The following MBD2 variants were observed in gnomAD, a reference collection of about 807,000 sequenced individuals.
MBD2 encodes methyl-CpG binding domain protein 2, also known as methyl-CpG-binding domain protein 2.
Under a neutral mutation model 39.3 loss-of-function variants are expected in MBD2, and 9 were observed. The ratio of observed to expected loss-of-function variants is 0.23; its 90% CI spans 0.14 to 0.40. The LOEUF is 0.40. Ranked by LOEUF, MBD2 falls within the 10% of genes least tolerant of loss-of-function variation. The pLI is 1.00. For synonymous variants in MBD2, 233 were observed against 211.1 expected, an observed-to-expected ratio of 1.10 and a Z score of -0.90; for missense variants, 458 against 532.6, an observed-to-expected ratio of 0.86 and a Z score of 1.38.
At chr18:54,185,090 T>C (rs2086276500) in intron 3 of MBD2, among the ~76,000 whole-genome samples, 1 of 151,214 alleles carries the variant, frequency 6.6e-6, no homozygotes, top group Non-Finnish European at 1.5e-5. Flanking sequence ...AGCTGATCTA[T>C]TTTACACACT....
intron 1 of MBD2, among the ~76,000 whole-genome samples, chr18:54,210,866 A>AT (rs74180457): frequency 0.015 from 1,480 of 99,306 alleles, 27 homozygotes; most frequent in East Asian, 0.056. Flanking sequence ...TCAACTTTCT[A>AT]TTTTTTTTTT....
At chr18:54,189,570 C>T (rs1248464233) in intron 2 of MBD2, among the ~76,000 whole-genome samples, 1 of 152,030 alleles carries the variant, frequency 6.6e-6, no homozygotes, top group African/African-American at 2.4e-5. Context: ...CATAAATTTC[C>T]TATCTGATCA....
intron 1 of MBD2, among the ~76,000 whole-genome samples, chr18:54,211,388 T>TACACACACACACACACACAC (rs113321648): frequency 3.4e-5 from 5 of 148,114 alleles, no homozygotes; most frequent in South Asian, 4.3e-4. Context: ...ATTATTGCTA[T>TACACACACACACACACACAC]ACACACACAC....
At chr18:54,159,034 G>A (rs1201583364) in intron 6 of MBD2, among the ~76,000 whole-genome samples, 1 of 152,172 alleles carries the variant, frequency 6.6e-6, no homozygotes, top group Non-Finnish European at 1.5e-5. Context: ...AAAAGAAAGA[G>A]ATTTTGCCTG....
At chr18:54,219,027 G>C (rs2926341) in intron 1 of MBD2, among the ~76,000 whole-genome samples, 10,585 of 150,974 alleles carry the variant, frequency 0.07, 1,225 homozygotes, top group African/African-American at 0.24. Flanking sequence ...CTACTAATAG[G>C]TGCCAAAATT....
chr18:54,224,198 GCGCCGC>G lies in MBD2; in HGVS notation c.356_361del (p.Gly119_Gly120del). ...GAAAGGGACCGGCTCCCGCCGGGGG[GCGCCGC>G]CGCCACCGCTGCCGCCGCCGCCGCA... On this transcript the variant is annotated inframe_deletion, in exon 1 of 7. Coordinates refer to ENST00000256429, the MANE Select transcript of MBD2 (RefSeq NM_003927.5). 1 of 1,206,274 alleles carries G rather than the reference GCGCCGC, an allele frequency of 8.3e-7. No homozygotes were observed. The highest frequency in any genetic ancestry group is 1.0e-6 in the Non-Finnish European group (1 of 973,254). 74.7% of individuals were successfully genotyped at this position (1,206,274 alleles called of 1,614,324 possible). A position where few individuals can be genotyped will look rare whatever the true frequency, so the allele number is the denominator to read the frequency against.
At chr18:54,202,204 G>C (rs7239431) in intron 2 of MBD2, among the ~76,000 whole-genome samples, 1 of 151,978 alleles carries the variant, frequency 6.6e-6, no homozygotes, top group Non-Finnish European at 1.5e-5. Context: ...TTAGCTAGGC[G>C]TGGTGGTGGG....
At chr18:54,223,546 C>T (rs2086632684) in intron 1 of MBD2, among the ~76,000 whole-genome samples, 1 of 152,194 alleles carries the variant, frequency 6.6e-6, no homozygotes, top group Admixed American at 6.5e-5. Context: ...AAACTTCAGG[C>T]ATTCCAAATA....
chr18:54,185,149 A>T (rs1002325935), intron 3 of MBD2, among the ~76,000 whole-genome samples: 3 of 152,244 alleles, frequency 2.0e-5, no homozygotes, highest in African/African-American at 7.2e-5. Flanking sequence ...TTTATCTTTT[A>T]TCAGGAAAGT....
chr18:54,202,904 G>A lies in MBD2; in HGVS notation c.702+2094C>T, dbSNP rs2086418640. The A allele has an allele frequency of 6.2e-6, 7 of 1,124,258 alleles. No homozygotes were observed. The East Asian group carries it at 1.6e-4, about 26-fold the overall frequency. The allele number at this position is 1,124,258 out of a possible 1,614,324, so 69.6% of individuals were successfully genotyped here. ...AAAGCACCAGGGAAGCATTATGGAG[G>A]AAAGGATTGGTTCTGCCTGGAGTAT... On this transcript the variant is annotated intron_variant, in intron 2 of 6. Transcript: ENST00000256429.
chr18:54,192,673 C>T (rs2086329889), intron 2 of MBD2, among the ~76,000 whole-genome samples: 1 of 152,124 alleles, frequency 6.6e-6, no homozygotes, highest in South Asian at 2.1e-4. Flanking sequence ...TCATTGTTAC[C>T]AAGGATGACT....
At chr18:54,188,250 C>T (rs2086297476) in intron 3 of MBD2, among the ~76,000 whole-genome samples, 1 of 152,162 alleles carries the variant, frequency 6.6e-6, no homozygotes, top group South Asian at 2.1e-4. Flanking sequence ...GTCCAGTCTC[C>T]CTCCCCGGGC....
intron 2 of MBD2, among the ~76,000 whole-genome samples, chr18:54,198,970 A>G (rs187413314): frequency 6.6e-6 from 1 of 152,344 alleles, no homozygotes; most frequent in African/African-American, 2.4e-5. Context: ...AAATGCATGT[A>G]TGTGTACATG....
rs1384801401 is a variant in MBD2 at position 54,171,396 on chromosome 18, C to CA, written c.841-5231dup. 8.0e-4 allele frequency among the ~76,000 whole-genome samples: 117 copies of CA among 145,900 alleles called. 1 individual carries two copies. In the South Asian group the frequency reaches 0.014, roughly 17 times the overall value. On this transcript the variant is annotated intron_variant, in intron 3 of 6. Transcript: ENST00000256429. Reference sequence around the variant, plus strand: ...TGGGTGACAGAGCAAAACTCCATCTCAAAAAAAAAAGCATGCACGTAGTGG... The same window carrying CA: ...TGGGTGACAGAGCAAAACTCCATCTCAAAAAAAAAAAGCATGCACGTAGTGG...
At chr18:54,195,692 G>A (rs2086359978) in intron 2 of MBD2, among the ~76,000 whole-genome samples, 1 of 151,560 alleles carries the variant, frequency 6.6e-6, no homozygotes, top group Admixed American at 6.6e-5. Flanking sequence ...GCACTAACTG[G>A]ACCATCCATA....
At chr18:54,187,951 G>T in intron 3 of MBD2, 1 of 621,156 alleles carries the variant, frequency 1.6e-6, no homozygotes, top group Non-Finnish European at 2.0e-6. Context: ...CTGGAGATGA[G>T]ACACTTGAAG....
Position 54,224,500 on chromosome 18 carries a change from C to T in MBD2, c.60G>A (p.Ala20=), listed in dbSNP as rs1045056201. 2 of 1,236,246 alleles carry T rather than the reference C, an allele frequency of 1.6e-6. No homozygotes were observed. The highest frequency in any genetic ancestry group is 1.6e-5 in the African/African-American group (1 of 63,980). The allele number at this position is 1,236,246 out of a possible 1,614,324, so 76.6% of individuals were successfully genotyped here. The change falls in exon 1 of 7, where the codon GCG becomes GCA. Residue 20 remains alanine, a synonymous_variant. Transcript: ENST00000256429. ...CCPEQEEGES[A]AGGSGAGGDS... is the part of the protein sequence containing the mutation. ...CGCCGCCAGCGCCGCTGCCGCCCGCCGCACTCTCCCCCTCCTCCTGCTCCG... is the reference window on the plus strand; with the variant it reads ...CGCCGCCAGCGCCGCTGCCGCCCGCTGCACTCTCCCCCTCCTCCTGCTCCG...
chr18:54,171,622 A>G (rs2086180064), intron 3 of MBD2, among the ~76,000 whole-genome samples: 1 of 152,220 alleles, frequency 6.6e-6, no homozygotes, highest in Non-Finnish European at 1.5e-5. Flanking sequence ...GGTTAAATGA[A>G]GAAAGGGCTT....
intron 1 of MBD2, among the ~76,000 whole-genome samples, chr18:54,216,600 T>C (rs2086563726): frequency 6.6e-6 from 1 of 152,200 alleles, no homozygotes; most frequent in African/African-American, 2.4e-5. Context: ...TCAAATGCCA[T>C]AGGAGTTTCC....
Sources: allele counts gnomAD v4.1 joint callset (sites outside exome capture counted in the v4.1 genomes callset), GRCh38; gene constraint gnomAD v4.1.1; transcripts MANE v1.5; gene names NCBI Gene and HGNC (gene_info 2026-07-23, HGNC 2026-07-21).